TXNDC11: variants seen among roughly 807,000 people sequenced by gnomAD.
TXNDC11 encodes thioredoxin domain containing 11, also known as thioredoxin domain-containing protein 11.
In TXNDC11, 68 loss-of-function variants were observed where a neutral mutation model predicts 78.0. The ratio of observed to expected loss-of-function variants is 0.87; its 90% CI spans 0.72 to 1.07. TXNDC11 has a LOEUF of 1.07. Ranked by LOEUF, TXNDC11 falls within the 50% of genes least tolerant of loss-of-function variation. TXNDC11 has a pLI of 0.00. For missense variants in TXNDC11, 1,389 were observed against 1,221.8 expected (o/e 1.14, Z -2.04); for synonymous variants, 571 against 495.2 (o/e 1.15, Z -2.03).
At chr16:11,684,354 A>C in intron 10 of TXNDC11, 109 bp from the exon 11 acceptor site, 1 of 727,648 alleles carries the variant, frequency 1.4e-6, no homozygotes, top group Non-Finnish European at 2.4e-6. Flanking sequence ...TACACCCCAC[A>C]TTGGGCTAGT....
chr16:11,711,797 G>C (rs537994694), intron 5 of TXNDC11, among the ~76,000 whole-genome samples: 1 of 152,164 alleles, frequency 6.6e-6, no homozygotes, highest in Non-Finnish European at 1.5e-5. Context: ...CAACCCCTCA[G>C]AGCTTCGGTT....
At chr16:11,715,792 G>A (rs1297125355) in intron 5 of TXNDC11, among the ~76,000 whole-genome samples, 1 of 152,176 alleles carries the variant, frequency 6.6e-6, no homozygotes, top group Admixed American at 6.5e-5. Flanking sequence ...GAAGCAGGTA[G>A]GAGGTGCACG....
intron 1 of TXNDC11, among the ~76,000 whole-genome samples, chr16:11,740,479 T>C (rs1567358211): frequency 2.0e-5 from 3 of 152,280 alleles, no homozygotes; most frequent in Non-Finnish European, 4.4e-5. Context: ...AAAGGACTTC[T>C]GTATCAATTA....
intron 1 of TXNDC11, among the ~76,000 whole-genome samples, chr16:11,740,559 CACCCCTGGAGGGGGAA>C (rs2052361471): frequency 1.3e-5 from 2 of 152,244 alleles, no homozygotes; most frequent in South Asian, 4.1e-4. Flanking sequence ...AAATAAACTT[CACCCCTGGAGGGGGAA>C]ACCTCTCTTC....
intron 1 of TXNDC11, among the ~76,000 whole-genome samples, chr16:11,741,707 G>A (rs1251792554): frequency 6.6e-6 from 1 of 152,192 alleles, no homozygotes; most frequent in Admixed American, 6.5e-5. Flanking sequence ...TCACCCGGAC[G>A]AGCGTCCGGC....
intron 4 of TXNDC11, among the ~76,000 whole-genome samples, chr16:11,724,902 C>T (rs1296517717): frequency 2.0e-5 from 3 of 152,124 alleles, no homozygotes; most frequent in Admixed American, 1.3e-4. Context: ...CCCGCCACCA[C>T]ATCCGGCTAA....
chr16:11,691,726 G>A lies in TXNDC11; in HGVS notation c.1464C>T (p.Asp488=), dbSNP rs1419456739. 1.9e-6 allele frequency: 3 copies of A among 1,614,232 alleles called. No individual in the cohort carries two copies. The highest frequency in any genetic ancestry group is 2.5e-6 in the Non-Finnish European group (3 of 1,180,046). ...TTAAAAAATTGCTGCATTCTATGCTGTCTGATGCCACATGATAAAAGGTCT... is the reference window on the plus strand; with the variant it reads ...TTAAAAAATTGCTGCATTCTATGCTATCTGATGCCACATGATAAAAGGTCT... ...KEQTFYHVAS[D]SIECSNFLTS... The change falls in exon 8 of 12, where the codon GAC becomes GAT. Residue 488 remains aspartate, a synonymous_variant. Transcript: ENST00000283033.
intron 4 of TXNDC11, among the ~76,000 whole-genome samples, chr16:11,724,073 G>T (rs560174729): frequency 1.3e-5 from 2 of 152,268 alleles, no homozygotes; most frequent in African/African-American, 4.8e-5. Flanking sequence ...CTTGAGGCCA[G>T]GAGTTCAAGA....
At chr16:11,692,110 G>A (rs1325356796) in intron 7 of TXNDC11, 28 bp from the exon 8 acceptor site, 2 of 1,503,962 alleles carry the variant, frequency 1.3e-6, no homozygotes, top group East Asian at 2.3e-5. Flanking sequence ...GTTGGTGAAG[G>A]GCTTGGGGAT....
chr16:11,707,224 C>T (rs754892165), intron 5 of TXNDC11, among the ~76,000 whole-genome samples: 19 of 151,866 alleles, frequency 1.3e-4, no homozygotes, highest in Non-Finnish European at 2.2e-4. Flanking sequence ...GTCAGGAGTT[C>T]GAGACCAGCC....
At chr16:11,739,764 C>G (rs1038197328) in intron 1 of TXNDC11, among the ~76,000 whole-genome samples, 2 of 151,964 alleles carry the variant, frequency 1.3e-5, no homozygotes, top group Non-Finnish European at 2.9e-5. Context: ...CCCAGAAACG[C>G]ACGATTATTC....
At chr16:11,693,657 T>C (rs1276004601) in intron 7 of TXNDC11, among the ~76,000 whole-genome samples, 1 of 152,258 alleles carries the variant, frequency 6.6e-6, no homozygotes, top group Non-Finnish European at 1.5e-5. Context: ...AGTCACTTTA[T>C]AACCCACCAG....
chr16:11,696,397 C>T (rs557713548), intron 7 of TXNDC11, among the ~76,000 whole-genome samples: 1 of 152,322 alleles, frequency 6.6e-6, no homozygotes, highest in African/African-American at 2.4e-5. Context: ...TGGGCCTGAT[C>T]GTCCTCTACT....
intron 11 of TXNDC11, among the ~76,000 whole-genome samples, chr16:11,681,591 G>A (rs2050426755): frequency 6.6e-6 from 1 of 152,182 alleles, no homozygotes; most frequent in Admixed American, 6.5e-5. Context: ...CTGAGGGAGT[G>A]GCAGGGCACA....
At chr16:11,706,356 C>T (rs1286340371) in intron 5 of TXNDC11, among the ~76,000 whole-genome samples, 1 of 152,226 alleles carries the variant, frequency 6.6e-6, no homozygotes, top group Non-Finnish European at 1.5e-5. Context: ...TGCTCCTTGG[C>T]TGCTTGCTAC....
At position 11,736,091 on chromosome 16, in the gene TXNDC11, A is replaced by C; in HGVS notation, c.397T>G (p.Tyr133Asp). 1.2e-6 allele frequency: 2 copies of C among 1,614,212 alleles called. No individual in the cohort carries two copies. The highest frequency in any genetic ancestry group is 1.7e-6 in the Non-Finnish European group (2 of 1,180,034). The change falls in exon 2 of 12, where the codon TAT becomes GAT. Residue 133 changes from tyrosine (Y) to aspartate (D), a missense_variant. Transcript: ENST00000283033. ...RDSEVVLLFF[Y>D]APWCGQSIAA... ...ATGGACTGTCCACACCAAGGGGCAT[A>C]GAAGAAGAGCAGTACCACCTCTGAA...
At chr16:11,738,889 T>C (rs1000274296) in intron 1 of TXNDC11, among the ~76,000 whole-genome samples, 5 of 152,090 alleles carry the variant, frequency 3.3e-5, no homozygotes, top group Admixed American at 6.5e-5. Context: ...TAGCTGGGCA[T>C]GGTGGTGCAC....
At chr16:11,732,982 C>T (rs534399725) in intron 3 of TXNDC11, among the ~76,000 whole-genome samples, 1 of 152,308 alleles carries the variant, frequency 6.6e-6, no homozygotes, top group South Asian at 2.1e-4. Flanking sequence ...CTCCAAAACT[C>T]TTTGAGTCAG....
At chr16:11,692,128 G>A in intron 7 of TXNDC11, 46 bp from the exon 8 acceptor site, 1 of 1,438,138 alleles carries the variant, frequency 7.0e-7, no homozygotes, top group Non-Finnish European at 9.4e-7. Context: ...GATGACTGAG[G>A]GACTAGCACC....
Sources: allele counts gnomAD v4.1 joint callset (sites outside exome capture counted in the v4.1 genomes callset), GRCh38; gene constraint gnomAD v4.1.1; transcripts MANE v1.5; gene names NCBI Gene and HGNC (gene_info 2026-07-23, HGNC 2026-07-21).